Variants in C1R observed in about 807,000 individuals in gnomAD.
C1R encodes complement C1r subcomponent.
C1R carries 15 observed loss-of-function variants against 27.6 expected under a neutral mutation model. The ratio of observed to expected loss-of-function variants is 0.54; its 90% CI spans 0.36 to 0.84. The LOEUF (loss-of-function observed/expected upper bound fraction) is 0.84. Among genes scored for constraint, C1R ranks in the 40% least tolerant of loss-of-function variants. The pLI is 0.01. For synonymous variants in C1R, 253 were observed against 228.8 expected, an observed-to-expected ratio of 1.11 and a Z score of -0.95; for missense variants, 544 against 577.9, an observed-to-expected ratio of 0.94 and a Z score of 0.60.
At chr12:7,090,910 T>C (rs1187507898) in intron 2 of C1R, among the ~76,000 whole-genome samples, 1 of 152,160 alleles carries the variant, frequency 6.6e-6, no homozygotes. Flanking sequence ...CTGGGAATGG[T>C]AGTTGTTGGA....
In C1R at chr12:7,091,496, A is replaced by G. The variant is rs1295057844; in HGVS notation, c.187T>C (p.Phe63Leu). The part of the protein sequence containing the change: ...GYRVKLVFQQ[F>L]DLEPSEGCFY... The stretch of plus-strand genomic sequence containing the variant: ...CAGCCTTCAGAAGGCTCCAGGTCAA[A>G]CTGCTGGAAGACGAGCTTCACCCTG... Residue 63 changes from phenylalanine to leucine, a missense_variant, in exon 2 of 11, where the codon TTT becomes CTT. Physicochemically the swap from Phe to Leu is conservative, Grantham distance 22. This residue lies in a region of C1R where 291 missense variants were observed against 209.0 expected (regional missense o/e 1.39). Transcript: ENST00000647956. The surrounding 1 kb of genome is among the most constrained non-coding windows in gnomAD (Gnocchi z 5.1). 3 of 777,724 alleles carry G rather than the reference A, an allele frequency of 3.9e-6. No homozygotes were observed. Among genetic ancestry groups the G allele is most frequent in the Non-Finnish European group, 7.2e-6 (3 of 416,566 alleles). 48.2% of individuals were successfully genotyped at this position (777,724 alleles called of 1,614,324 possible). A position where few individuals can be genotyped will look rare whatever the true frequency, so the allele number is the denominator to read the frequency against.
chr12:7,081,736 G>A (rs953208982), intron 10 of C1R, among the ~76,000 whole-genome samples: 3 of 152,082 alleles, frequency 2.0e-5, no homozygotes, highest in African/African-American at 7.2e-5. Flanking sequence ...CAGGTGATCC[G>A]CTTGCCTTGA....
In C1R at chr12:7,089,284, C is replaced by T. The variant is rs780918386; in HGVS notation, c.768+9G>A. The T allele has an allele frequency of 5.6e-5, 44 of 779,354 alleles. No homozygotes were observed. The highest frequency in any genetic ancestry group is 4.7e-4 in the South Asian group (35 of 74,420). The allele number at this position is 779,354 out of a possible 1,614,324, so 48.3% of individuals were successfully genotyped here. A position where few individuals can be genotyped will look rare whatever the true frequency, so the allele number is the denominator to read the frequency against. On this transcript the variant is annotated intron_variant, in intron 5 of 10. Coordinates refer to ENST00000647956, the MANE Select transcript of C1R (RefSeq NM_001733.7). Reference sequence around the variant, plus strand: ...AGGAAGGGGTCTTTCAGGGGTAGGACGGCTGTACCTGTAGCTGGTCATAGG... The same window carrying T: ...AGGAAGGGGTCTTTCAGGGGTAGGATGGCTGTACCTGTAGCTGGTCATAGG...
At position 7,082,059 on chromosome 12, in the gene C1R, C is replaced by G. The variant is rs1209853287; in HGVS notation, c.1321G>C (p.Gly441Arg). The G allele has an allele frequency of 6.5e-7, 1 of 1,537,064 alleles. No individual in the cohort carries two copies. The highest frequency in any genetic ancestry group is 1.2e-5 in the South Asian group (1 of 84,058). Residue 441 changes from glycine to arginine, a missense_variant, in exon 10 of 11, where the codon GGA becomes CGA. This residue lies in a region of C1R where 253 missense variants were observed against 368.9 expected (regional missense o/e 0.69). Transcript: ENST00000647956. ...GGCAAGCACCGAGGAATCTTCTCTC[C>G]CTTCTGTTCATTCTTCCAAATGCCC... ...AQGIWKNEQK[G>R]EKIPRCLPVC...
At position 7,090,037 on chromosome 12, in the gene C1R, T is replaced by A. The variant is rs946128776; in HGVS notation, c.424+19A>T. 3.9e-6 allele frequency: 3 copies of A among 759,680 alleles called. No homozygotes were observed. Among genetic ancestry groups the A allele is most frequent in the South Asian group, 1.4e-5 (1 of 71,292 alleles). 47.1% of individuals were successfully genotyped at this position (759,680 alleles called of 1,614,324 possible). ...TATGGCTGAGGTCAGAGAAAAGGGA[T>A]CCCTGGGGGGCTACTCACCCACAGC... On this transcript the variant is annotated intron_variant, in intron 3 of 10. Transcript: ENST00000647956.
chr12:7,088,532 A>G lies in C1R; in HGVS notation c.1038+78T>C, dbSNP rs150225538. ...CTACGACTCCAGCTGGGGTGAGACTAAATCCTCTGTGAACCCACCACCTGA... is the reference window on the plus strand; with the variant it reads ...CTACGACTCCAGCTGGGGTGAGACTGAATCCTCTGTGAACCCACCACCTGA... On this transcript the variant is annotated intron_variant, in intron 7 of 10. Transcript: ENST00000647956. 0.01 allele frequency: 7,303 copies of G among 718,430 alleles called. 395 individuals carry two copies. In the Admixed American group the frequency reaches 0.1, roughly 10 times the overall value. The allele number at this position is 718,430 out of a possible 1,614,324, so 44.5% of individuals were successfully genotyped here.
chr12:7,091,291 C>T lies in C1R; in HGVS notation c.231+161G>A. ...TCAGTGCTCACCGAGGGCCTCTACA[C>T]CAGTGAGCGCCCATCCAGGGCATCC... On this transcript the variant is annotated intron_variant, in intron 2 of 10. Coordinates refer to ENST00000647956, the MANE Select transcript of C1R (RefSeq NM_001733.7). The surrounding 1 kb of genome is among the most constrained non-coding windows in gnomAD (Gnocchi z 5.1). The T allele has an allele frequency of 1.6e-6, 1 of 623,720 alleles. No homozygotes were observed. Among genetic ancestry groups the T allele is most frequent in the East Asian group, 2.7e-5 (1 of 36,614 alleles). 38.6% of individuals were successfully genotyped at this position (623,720 alleles called of 1,614,324 possible).
At position 7,080,361 on chromosome 12, in the gene C1R, G is replaced by A; in HGVS notation, c.*171C>T. The A allele has an allele frequency of 7.4e-7, 1 of 1,349,120 alleles. No individual in the cohort carries two copies. Among genetic ancestry groups the A allele is most frequent in the Non-Finnish European group, 9.5e-7 (1 of 1,055,100 alleles). 83.6% of individuals were successfully genotyped at this position (1,349,120 alleles called of 1,614,324 possible). A position where few individuals can be genotyped will look rare whatever the true frequency, so the allele number is the denominator to read the frequency against. On this transcript the variant is annotated 3_prime_UTR_variant, in exon 11 of 11. Coordinates refer to ENST00000647956, the MANE Select transcript of C1R (RefSeq NM_001733.7). This position sits in a 1 kb window ranked among gnomAD's most constrained non-coding sequence, Gnocchi z 4.9. The stretch of plus-strand genomic sequence containing the variant: ...AAGAAAGAAAGGGGCCCTTTGGGTT[G>A]TTTCAGGTAAAGTACATCAATGGGA...
Position 7,082,131 on chromosome 12 carries a change from A to C in C1R, c.1274-25T>G, listed in dbSNP as rs759775152. 19 of 1,353,058 alleles carry C rather than the reference A, an allele frequency of 1.4e-5. No homozygotes were observed. The South Asian group carries it at 2.4e-4, about 17-fold the overall frequency. 83.8% of individuals were successfully genotyped at this position (1,353,058 alleles called of 1,614,324 possible). Reference sequence around the variant, plus strand: ...CCTGAGGGCAGAGGAGGCAAGAATCAAGTTGGGGGGTGATGGGTAAGAAAA... The same window carrying C: ...CCTGAGGGCAGAGGAGGCAAGAATCCAGTTGGGGGGTGATGGGTAAGAAAA... On this transcript the variant is annotated intron_variant, in intron 9 of 10. Coordinates refer to ENST00000647956, the MANE Select transcript of C1R (RefSeq NM_001733.7).
In C1R at chr12:7,089,514, T is replaced by A. The variant is rs111937645; in HGVS notation, c.572-25A>T. The A allele has an allele frequency of 5.8e-3, 4,502 of 779,372 alleles. 119 individuals are homozygous for A. In the African/African-American group the frequency reaches 0.062, roughly 11 times the overall value. 48.3% of individuals were successfully genotyped at this position (779,372 alleles called of 1,614,324 possible). On this transcript the variant is annotated intron_variant, in intron 4 of 10. Coordinates refer to ENST00000647956, the MANE Select transcript of C1R (RefSeq NM_001733.7). ...GCTGTGAGAGCAGAGCCACAGGGCA[T>A]TACGGGGGACTCCAGCTGGCCCAGC...
Position 7,082,013 on chromosome 12 carries a change from C to G in C1R, c.1348+19G>C. ...GCTGCTAAAGACCCTGATGATGGCC[C>G]CAGAGGGTTTCCACTCACCTGGCAA... is the stretch of plus-strand genomic sequence containing the variant. On this transcript the variant is annotated intron_variant, in intron 10 of 10. Coordinates refer to ENST00000647956, the MANE Select transcript of C1R (RefSeq NM_001733.7). The G allele has an allele frequency of 1.3e-6, 2 of 1,536,070 alleles. No individual in the cohort carries two copies. Among genetic ancestry groups the G allele is most frequent in the Non-Finnish European group, 1.7e-6 (2 of 1,146,000 alleles).
intron 3 of C1R, 121 bp downstream of exon 3, chr12:7,089,935 C>T (rs1379443083): frequency 2.9e-6 from 2 of 701,254 alleles, no homozygotes; most frequent in African/African-American, 1.8e-5. Context: ...GAAAAGCTCT[C>T]TCGAGGGGAG....
At position 7,090,261 on chromosome 12, in the gene C1R, G is replaced by C. The variant is rs1938243828; in HGVS notation, c.232-13C>G. On this transcript the variant is annotated splice_polypyrimidine_tract_variant and intron_variant, in intron 2 of 10. Transcript: ENST00000647956. Reference sequence around the variant, plus strand: ...TATCAGCAGAGATCTGGTGGAAGAAGGACAGGGGGTAGGAAGAAGATCTGT... The same window carrying C: ...TATCAGCAGAGATCTGGTGGAAGAACGACAGGGGGTAGGAAGAAGATCTGT... The C allele has an allele frequency of 1.4e-6, 1 of 721,628 alleles. No homozygotes were observed. Among genetic ancestry groups the C allele is most frequent in the South Asian group, 1.5e-5 (1 of 68,010 alleles). The allele number at this position is 721,628 out of a possible 1,614,324, so 44.7% of individuals were successfully genotyped here.
intron 7 of C1R, among the ~76,000 whole-genome samples, chr12:7,088,084 G>T (rs1218679189): frequency 1.3e-5 from 2 of 152,202 alleles, no homozygotes; most frequent in Non-Finnish European, 2.9e-5. Flanking sequence ...GGAGGCAGGA[G>T]ATTGGCGTCC....
intron 5 of C1R, 130 bp from the exon 6 acceptor site, chr12:7,089,116 G>A (rs1219647771): frequency 1.3e-5 from 8 of 629,440 alleles, no homozygotes; most frequent in Non-Finnish European, 2.0e-5. Flanking sequence ...TTCAGGGGAA[G>A]GTGAAAAGGG....
intron 9 of C1R, among the ~76,000 whole-genome samples, chr12:7,085,099 TGTG>T (rs1938126538): frequency 7.2e-6 from 1 of 138,808 alleles, no homozygotes; most frequent in Non-Finnish European, 1.5e-5. Flanking sequence ...GTGGTGTTAG[TGTG>T]GTGGTGATGA....
chr12:7,085,555 G>C (rs1457385801), intron 9 of C1R, among the ~76,000 whole-genome samples: 6 of 152,028 alleles, frequency 3.9e-5, no homozygotes, highest in African/African-American at 1.5e-4. Context: ...TGCTGGTGTT[G>C]TTACTGGTAG....
rs1294035266 is a variant in C1R at position 7,089,462 on chromosome 12, T to C, written c.599A>G (p.Glu200Gly). ...CAGGCTGGAGATGTAGCCTGATGCC[T>C]CCGTGTACAGCTCGCTGCTGCACTC... ...QAECSSELYT[E>G]ASGYISSLEY... The change falls in exon 5 of 11, where the codon GAG becomes GGG. Residue 200 changes from glutamate to glycine, a missense_variant. By Grantham distance (98) the Glu-to-Gly change is moderately conservative. Coordinates refer to ENST00000647956, the MANE Select transcript of C1R (RefSeq NM_001733.7). The C allele has an allele frequency of 2.6e-6, 2 of 777,082 alleles. No individual in the cohort carries two copies. The highest frequency in any genetic ancestry group is 4.8e-6 in the Non-Finnish European group (2 of 415,644). 48.1% of individuals were successfully genotyped at this position (777,082 alleles called of 1,614,324 possible).
intron 8 of C1R, 83 bp from the exon 9 acceptor site, chr12:7,086,099 C>T: frequency 2.5e-6 from 1 of 398,422 alleles, no homozygotes; most frequent in Non-Finnish European, 4.4e-6. Context: ...TGTCTACCTG[C>T]AGAGCAGGCT....
Sources: gnomAD v4.1 joint callset for allele counts (sites outside exome capture counted in the v4.1 genomes callset) on GRCh38, gnomAD v4.1.1 for gene constraint, gnomAD v4.1.1 regional missense constraint, Gnocchi (gnomAD v3.1) non-coding constraint, MANE v1.5 for transcripts, NCBI Gene and HGNC (gene_info 2026-07-23, HGNC 2026-07-21) for gene names.